RHOH: variants seen among roughly 807,000 people sequenced by gnomAD.
RHOH encodes rho-related GTP-binding protein RhoH.
Under a neutral mutation model 13.8 loss-of-function variants are expected in RHOH, and 6 were observed. That is an observed-to-expected ratio of 0.44 (90% CI 0.24 to 0.86). The LOEUF is 0.86. Ranked by LOEUF, RHOH falls within the 40% of genes least tolerant of loss-of-function variation. The pLI is 0.24. For synonymous variants in RHOH, 117 were observed against 103.0 expected (o/e 1.14, Z -0.82); for missense variants, 147 against 244.5 (o/e 0.60, Z 2.66).
chr4:40,233,064 T>G (rs1056111378), intron 1 of RHOH, among the ~76,000 whole-genome samples: 6 of 152,162 alleles, frequency 3.9e-5, no homozygotes, highest in Non-Finnish European at 5.9e-5. Flanking sequence ...TGACATACAC[T>G]AGCTCAGAAC....
chr4:40,236,514 G>T (rs1227256015), intron 1 of RHOH, among the ~76,000 whole-genome samples: 1 of 152,092 alleles, frequency 6.6e-6, no homozygotes, highest in African/African-American at 2.4e-5. Flanking sequence ...TTACCGGCTG[G>T]CTGCGGTGGC....
At chr4:40,197,965 A>T (rs1723429037) in intron 1 of RHOH, among the ~76,000 whole-genome samples, 2 of 152,340 alleles carry the variant, frequency 1.3e-5, no homozygotes, top group African/African-American at 4.8e-5. Flanking sequence ...CCATTGACGT[A>T]TTCAAGCAGG....
intron 1 of RHOH, among the ~76,000 whole-genome samples, chr4:40,203,235 G>A (rs1724238777): frequency 6.6e-6 from 1 of 152,324 alleles, no homozygotes; most frequent in South Asian, 2.1e-4. Flanking sequence ...GCCTCCCAAA[G>A]TGCTGGGATT....
At chr4:40,221,277 G>T (rs1726536932) in intron 1 of RHOH, among the ~76,000 whole-genome samples, 1 of 152,122 alleles carries the variant, frequency 6.6e-6, no homozygotes, top group Non-Finnish European at 1.5e-5. Context: ...CTACATAAAT[G>T]GAAAACCCTT....
At chr4:40,195,405 CCTT>C (rs1723035538), upstream of RHOH, among the ~76,000 whole-genome samples, 1 of 143,292 alleles carries the variant, frequency 7.0e-6, no homozygotes, top group African/African-American at 2.7e-5. Flanking sequence ...TTCCTTCCTT[CCTT>C]CCTTCCTTCC....
At chr4:40,198,591 G>A (rs1723537868) in intron 1 of RHOH, among the ~76,000 whole-genome samples, 1 of 152,212 alleles carries the variant, frequency 6.6e-6, no homozygotes, top group Non-Finnish European at 1.5e-5. Context: ...CCCTGTGCCT[G>A]GCTGTGGGCC....
upstream of RHOH, among the ~76,000 whole-genome samples, chr4:40,193,289 C>A (rs572890053): frequency 6.6e-6 from 1 of 152,300 alleles, no homozygotes; most frequent in Admixed American, 6.5e-5. Flanking sequence ...GGTTTCCCTC[C>A]TCCTGCCACT....
intron 1 of RHOH, among the ~76,000 whole-genome samples, chr4:40,213,227 AGAG>A (rs1725473157): frequency 6.6e-6 from 1 of 152,216 alleles, no homozygotes; most frequent in Non-Finnish European, 1.5e-5. Flanking sequence ...GGTGCAAAAA[AGAG>A]GAGACACAGT....
chr4:40,203,096 G>A (rs1031967393), intron 1 of RHOH, among the ~76,000 whole-genome samples: 10 of 152,044 alleles, frequency 6.6e-5, no homozygotes, highest in African/African-American at 1.4e-4. Flanking sequence ...CTCAGCCTCC[G>A]GAGTAGCTGG....
At chr4:40,219,471 A>C (rs1268031464) in intron 1 of RHOH, among the ~76,000 whole-genome samples, 1 of 151,962 alleles carries the variant, frequency 6.6e-6, no homozygotes, top group Non-Finnish European at 1.5e-5. Context: ...ATATATATGC[A>C]TGTGGATTCA....
intron 1 of RHOH, chr4:40,205,958 A>G (rs1724591869): frequency 6.6e-6 from 1 of 152,220 alleles, no homozygotes; most frequent in Admixed American, 6.5e-5. Context: ...TAACCATTTT[A>G]ATTATTGCAC....
chr4:40,193,284 C>T (rs1011445847), upstream of RHOH, among the ~76,000 whole-genome samples: 4 of 152,308 alleles, frequency 2.6e-5, no homozygotes, highest in South Asian at 4.1e-4. Context: ...CCCATGGTTT[C>T]CCTCCTCCTG....
chr4:40,223,896 C>A (rs1333853449), intron 1 of RHOH, among the ~76,000 whole-genome samples: 2 of 151,754 alleles, frequency 1.3e-5, no homozygotes, highest in African/African-American at 4.8e-5. Context: ...CCTCAGCCTC[C>A]CAAGTAGCTG....
intron 1 of RHOH, among the ~76,000 whole-genome samples, chr4:40,223,298 C>A (rs994275545): frequency 6.6e-6 from 1 of 152,068 alleles, no homozygotes; most frequent in Non-Finnish European, 1.5e-5. Flanking sequence ...ACAGAGAAAT[C>A]TTTCATGAAA....
At chr4:40,192,188 C>A (rs1306531864), upstream of RHOH, among the ~76,000 whole-genome samples, 4 of 152,090 alleles carry the variant, frequency 2.6e-5, no homozygotes, top group Admixed American at 2.0e-4. Flanking sequence ...CAGTGGGGAG[C>A]TGGGTGAGAA....
At chr4:40,219,386 TG>T (rs574341693) in intron 1 of RHOH, among the ~76,000 whole-genome samples, 66 of 142,178 alleles carry the variant, frequency 4.6e-4, no homozygotes, top group African/African-American at 1.3e-3. Context: ...CACTCCAGCT[TG>T]GGGACAGAGT....
At chr4:40,219,530 T>G (rs1489807286) in intron 1 of RHOH, among the ~76,000 whole-genome samples, 1 of 152,128 alleles carries the variant, frequency 6.6e-6, no homozygotes, top group Non-Finnish European at 1.5e-5. Context: ...CTTAGTCTGA[T>G]GGTTGCGTCT....
intron 1 of RHOH, among the ~76,000 whole-genome samples, chr4:40,224,618 G>A (rs988332933): frequency 6.6e-6 from 1 of 152,232 alleles, no homozygotes; most frequent in Non-Finnish European, 1.5e-5. Flanking sequence ...AAAAGTCAGA[G>A]TAAGTTCTTA....
rs1438552554 is a variant in RHOH, at chr4:40,244,865, T to C, written c.*903T>C. On this transcript the variant is annotated 3_prime_UTR_variant, in exon 3 of 3. Coordinates refer to ENST00000381799, the MANE Select transcript of RHOH (RefSeq NM_004310.5). ...CTGCAGGTCCTGTGAAAGACAGGGG[T>C]CTCAAAGTTCTGTTAATTTCACAAA... 2 of 166,488 alleles carry C rather than the reference T, an allele frequency of 1.2e-5. No homozygotes were observed. Among genetic ancestry groups the C allele is most frequent in the Non-Finnish European group, 2.6e-5 (2 of 76,448 alleles). 10.3% of individuals were successfully genotyped at this position (166,488 alleles called of 1,614,324 possible). A position where few individuals can be genotyped will look rare whatever the true frequency, so the allele number is the denominator to read the frequency against.
Sources: gnomAD v4.1 joint callset for allele counts (sites outside exome capture counted in the v4.1 genomes callset) on GRCh38, gnomAD v4.1.1 for gene constraint, MANE v1.5 for transcripts, NCBI Gene and HGNC (gene_info 2026-07-23, HGNC 2026-07-21) for gene names.